The following PCDHA7 variants were observed in gnomAD, a reference collection of about 807,000 sequenced individuals.
The protein encoded by PCDHA7 is protocadherin alpha 7.
A neutral mutation model predicts 57.2 loss-of-function variants in PCDHA7; 37 were observed. The ratio of observed to expected loss-of-function variants is 0.65; its 90% confidence interval spans 0.50 to 0.85. The LOEUF (loss-of-function observed/expected upper bound fraction) is 0.85, where lower values mean the gene tolerates loss of function less well. Ranked by LOEUF, PCDHA7 falls within the 40% of genes least tolerant of loss-of-function variation. The pLI, the probability that PCDHA7 is intolerant of heterozygous loss-of-function variation, is 0.00. For synonymous variants in PCDHA7, 553 were observed against 558.8 expected (o/e 0.99, Z 0.15); for missense variants, 1,188 against 1,241.8 (o/e 0.96, Z 0.65).
intron 3 of PCDHA7, among the ~76,000 whole-genome samples, chr5:140,989,548 T>G (rs914557459): frequency 1.3e-5 from 2 of 152,166 alleles, no homozygotes; most frequent in Non-Finnish European, 2.9e-5. Flanking sequence ...TGTAATTCCT[T>G]TACGTTTTGT....
rs782691695 is a variant in PCDHA7, at chr5:140,863,160, G to C, written c.2355+26422G>C. The C allele has an allele frequency of 6.2e-6, 4 of 647,644 alleles. No individual in the cohort carries two copies. The Admixed American group carries it at 7.5e-5, about 12-fold the overall frequency. 40.1% of individuals were successfully genotyped at this position (647,644 alleles called of 1,614,324 possible). A position where few individuals can be genotyped will look rare whatever the true frequency, so the allele number is the denominator to read the frequency against. ...TGGTGCTGGTGAAGGACCACTGCGA[G>C]CTGGCGCTGACTGCCACCGTCACCG... On this transcript the variant is annotated intron_variant, in intron 1 of 3. Transcript: ENST00000525929.
intron 3 of PCDHA7, among the ~76,000 whole-genome samples, chr5:141,006,287 C>A (rs1407881243): frequency 6.6e-6 from 1 of 152,060 alleles, no homozygotes; most frequent in African/African-American, 2.4e-5. Flanking sequence ...TCTCAGCTCA[C>A]TGCAAGCTCC....
intron 1 of PCDHA7, among the ~76,000 whole-genome samples, chr5:140,962,815 A>C (rs782313534): frequency 3.3e-5 from 5 of 152,242 alleles, no homozygotes; most frequent in Non-Finnish European, 7.3e-5. Flanking sequence ...AACATCAGAG[A>C]TGACCATTTG....
intron 1 of PCDHA7, chr5:140,870,541 G>A: frequency 1.2e-6 from 2 of 1,614,136 alleles, no homozygotes; most frequent in Non-Finnish European, 8.5e-7. Flanking sequence ...GTCGGCGCGG[G>A]ACGCGGACGC....
intron 1 of PCDHA7, chr5:140,859,885 A>G (rs2046070858): frequency 1.3e-5 from 2 of 151,844 alleles, no homozygotes; most frequent in South Asian, 4.2e-4. Context: ...TGATATTTTG[A>G]AAAAAAATCT....
chr5:140,895,763 T>C (rs1291731285), intron 1 of PCDHA7, among the ~76,000 whole-genome samples: 2 of 152,170 alleles, frequency 1.3e-5, no homozygotes, highest in East Asian at 1.9e-4. Context: ...TTTTCTTTCT[T>C]TATGGCTGCA....
intron 1 of PCDHA7, among the ~76,000 whole-genome samples, chr5:140,918,947 G>T (rs56003): frequency 0.32 from 48,109 of 152,058 alleles, 7,963 homozygotes; most frequent in East Asian, 0.53. Context: ...ATAATATCCT[G>T]AACAGACTAA....
chr5:140,856,495 T>G lies in PCDHA7; in HGVS notation c.2355+19757T>G, dbSNP rs1554148773. 5.0e-6 allele frequency: 8 copies of G among 1,598,330 alleles called. 1 individual carries two copies. Among genetic ancestry groups the G allele is most frequent in the African/African-American group, 2.7e-5 (2 of 74,276 alleles). ...TACCTGAATCCAGACTGCTTGACTC[T>G]CGATTTCCACTAGAAGGCGCATCTG... On this transcript the variant is annotated intron_variant, in intron 1 of 3. Transcript: ENST00000525929.
intron 1 of PCDHA7, chr5:140,860,659 T>C (rs1310065546): frequency 1.3e-5 from 2 of 152,224 alleles, no homozygotes; most frequent in Non-Finnish European, 2.9e-5. Context: ...AGTGAAATAA[T>C]ATGAAATCAA....
At chr5:140,840,242 T>C (rs113669357) in intron 1 of PCDHA7, among the ~76,000 whole-genome samples, 1 of 152,052 alleles carries the variant, frequency 6.6e-6, no homozygotes, top group Non-Finnish European at 1.5e-5. Flanking sequence ...AGAATCACTA[T>C]GCTATAAAAA....
chr5:140,884,244 T>C, intron 1 of PCDHA7: 1 of 1,613,386 alleles, frequency 6.2e-7, no homozygotes, highest in Non-Finnish European at 8.5e-7. Flanking sequence ...GAGCCCGCGC[T>C]GACGGCCACG....
intron 1 of PCDHA7, chr5:140,864,553 T>C (rs575186227): frequency 3.0e-4 from 45 of 152,314 alleles, no homozygotes; most frequent in African/African-American, 1.1e-3. Context: ...TTCTTATAAT[T>C]TCATTTTAGG....
chr5:140,884,105 C>T, intron 1 of PCDHA7: 2 of 1,613,466 alleles, frequency 1.2e-6, no homozygotes, highest in South Asian at 2.2e-5. Flanking sequence ...TGAATTGCAG[C>T]TGGCGGCGGT....
intron 1 of PCDHA7, among the ~76,000 whole-genome samples, chr5:140,878,484 A>G (rs1285844908): frequency 6.6e-6 from 1 of 152,190 alleles, no homozygotes; most frequent in African/African-American, 2.4e-5. Flanking sequence ...CAATTTAAAA[A>G]TATTTAACCA....
chr5:140,835,734 A>T lies in PCDHA7; in HGVS notation c.1351A>T (p.Asn451Tyr), dbSNP rs1554135223. 1.9e-6 allele frequency: 3 copies of T among 1,613,614 alleles called. No individual in the cohort carries two copies. In the African/African-American group the frequency reaches 4.0e-5, roughly 22 times the overall value. The change falls in exon 1 of 4, where the codon AAC becomes TAC. Residue 451 changes from asparagine (N) to tyrosine (Y), a missense_variant. Physicochemically the swap from Asn to Tyr is moderately radical, Grantham distance 143. This residue lies in a region of PCDHA7 where 892 missense variants were observed against 788.5 expected (regional missense o/e 1.13). Coordinates refer to ENST00000525929, the MANE Select transcript of PCDHA7 (RefSeq NM_018910.3). ...CGTGGAGGTGGCCGACGTGAACGAC[A>T]ACGCCCCGGCGTTCGCGCAGCCCGA... is the stretch of plus-strand genomic sequence containing the variant. ...VSVEVADVNDNAPAFAQPEYT... is the reference protein window; with the variant it reads ...VSVEVADVNDYAPAFAQPEYT...
Position 141,010,653 on chromosome 5 carries a change from A to G in PCDHA7, c.*716A>G. On this transcript the variant is annotated 3_prime_UTR_variant, in exon 4 of 4. Transcript: ENST00000525929. ...TGCAAGCCAACAGTTCAGTGTTTTA[A>G]CAGAGAACCACCCTGGGAAACAGAA... 5.9e-6 allele frequency: 1 copy of G among 170,180 alleles called. No individual in the cohort carries two copies. The highest frequency in any genetic ancestry group is 1.3e-5 in the Non-Finnish European group (1 of 78,244). 10.5% of individuals were successfully genotyped at this position (170,180 alleles called of 1,614,324 possible). A position where few individuals can be genotyped will look rare whatever the true frequency, so the allele number is the denominator to read the frequency against.
At chr5:140,850,689 T>C in intron 1 of PCDHA7, 4 of 1,594,932 alleles carry the variant, frequency 2.5e-6, no homozygotes, top group South Asian at 1.1e-5. Flanking sequence ...CGAGGGCGAG[T>C]GCGCGCCTGG....
At chr5:140,918,759 G>A (rs931610210) in intron 1 of PCDHA7, among the ~76,000 whole-genome samples, 7 of 152,130 alleles carry the variant, frequency 4.6e-5, no homozygotes, top group Non-Finnish European at 1.0e-4. Context: ...CCAGAGAGGT[G>A]CCTTGCCTCT....
intron 2 of PCDHA7, among the ~76,000 whole-genome samples, chr5:140,982,129 A>G (rs2153827592): frequency 6.6e-6 from 1 of 152,376 alleles, no homozygotes; most frequent in East Asian, 1.9e-4. Context: ...TTTGAGAACA[A>G]GCCCTCCTCA....
Sources: gnomAD v4.1 joint callset for allele counts (sites outside exome capture counted in the v4.1 genomes callset) on GRCh38, gnomAD v4.1.1 for gene constraint, gnomAD v4.1.1 regional missense constraint, MANE v1.5 for transcripts, NCBI Gene and HGNC (gene_info 2026-07-23, HGNC 2026-07-21) for gene names.